KCNH8: variants seen among roughly 807,000 people sequenced by gnomAD.
KCNH8 encodes voltage-gated delayed rectifier potassium channel KCNH8.
A neutral mutation model predicts 103.6 loss-of-function variants in KCNH8; 70 were observed. The observed-to-expected ratio is 0.68, with a 90% CI of 0.56 to 0.82. The LOEUF (loss-of-function observed/expected upper bound fraction) is 0.82, where lower values mean the gene tolerates loss of function less well. Among genes scored for constraint, KCNH8 ranks in the 40% least tolerant of loss-of-function variants. The pLI is 0.00. For missense variants in KCNH8, 1,217 were observed against 1,329.9 expected (o/e 0.92, Z 1.32); for synonymous variants, 498 against 489.4 (o/e 1.02, Z -0.23).
chr3:19,457,087 AAT>A, intron 11 of KCNH8, 105 bp downstream of exon 11: 1 of 684,128 alleles, frequency 1.5e-6, no homozygotes, highest in Non-Finnish European at 2.4e-6. Flanking sequence ...AAAGTCTCTG[AAT>A]ATCTAAGACG....
intron 5 of KCNH8, among the ~76,000 whole-genome samples, chr3:19,365,595 A>G (rs915234902): frequency 7.2e-5 from 11 of 152,186 alleles, no homozygotes; most frequent in African/African-American, 2.4e-4. Flanking sequence ...ATATTTATTT[A>G]CTAACTAAGC....
intron 9 of KCNH8, 56 bp from the exon 10 acceptor site, chr3:19,451,099 A>G: frequency 6.3e-7 from 1 of 1,576,426 alleles, no homozygotes; most frequent in Non-Finnish European, 8.7e-7. Context: ...TTGCAAAGTA[A>G]ATCAGTTAGA....
intron 5 of KCNH8, among the ~76,000 whole-genome samples, chr3:19,361,113 C>T (rs1322692149): frequency 6.6e-6 from 1 of 151,994 alleles, no homozygotes; most frequent in Non-Finnish European, 1.5e-5. Context: ...CTAACAATTC[C>T]TGTGCTCAGA....
At chr3:19,209,102 A>G (rs1336341525) in intron 1 of KCNH8, among the ~76,000 whole-genome samples, 1 of 151,994 alleles carries the variant, frequency 6.6e-6, no homozygotes, top group Non-Finnish European at 1.5e-5. Flanking sequence ...TAATATTCAC[A>G]AATATATGTG....
At chr3:19,399,589 T>G (rs1426226046) in intron 7 of KCNH8, among the ~76,000 whole-genome samples, 1 of 151,942 alleles carries the variant, frequency 6.6e-6, no homozygotes. Flanking sequence ...ATTTGTTGTC[T>G]ATGAGTGTGG....
At chr3:19,200,255 T>G (rs1377685127) in intron 1 of KCNH8, among the ~76,000 whole-genome samples, 1 of 151,996 alleles carries the variant, frequency 6.6e-6, no homozygotes, top group East Asian at 1.9e-4. Flanking sequence ...TCTTGAGAAG[T>G]TGCTAAATGT....
At chr3:19,328,079 G>C (rs1448163657) in intron 3 of KCNH8, among the ~76,000 whole-genome samples, 3 of 151,714 alleles carry the variant, frequency 2.0e-5, no homozygotes, top group Admixed American at 2.0e-4. Flanking sequence ...AAACATTTTT[G>C]AAAATTTCTA....
chr3:19,413,194 GAA>G (rs796510772), intron 7 of KCNH8, among the ~76,000 whole-genome samples: 10 of 127,032 alleles, frequency 7.9e-5, no homozygotes, highest in South Asian at 2.6e-4. Context: ...TAGCCAAAAA[GAA>G]AAAAAAAAAA....
intron 11 of KCNH8, among the ~76,000 whole-genome samples, chr3:19,470,064 A>AT (rs1370573231): frequency 6.6e-6 from 1 of 150,700 alleles, no homozygotes; most frequent in African/African-American, 2.5e-5. Flanking sequence ...AATTATATTT[A>AT]ATTTTTTTTT....
chr3:19,354,734 G>C (rs1009372858), intron 5 of KCNH8, among the ~76,000 whole-genome samples: 1 of 152,116 alleles, frequency 6.6e-6, no homozygotes, highest in African/African-American at 2.4e-5. Flanking sequence ...ATTAATTCAA[G>C]ATGGATTAAA....
At chr3:19,331,923 A>G (rs1414057956) in intron 3 of KCNH8, among the ~76,000 whole-genome samples, 2 of 152,186 alleles carry the variant, frequency 1.3e-5, no homozygotes, top group Non-Finnish European at 2.9e-5. Context: ...TGAAATACCC[A>G]GTCTCTGAAC....
intron 3 of KCNH8, among the ~76,000 whole-genome samples, chr3:19,286,025 G>C (rs1004855783): frequency 4.6e-5 from 7 of 152,182 alleles, no homozygotes; most frequent in African/African-American, 1.4e-4. Flanking sequence ...TTAATTTTAG[G>C]TGATGAAACA....
intron 7 of KCNH8, among the ~76,000 whole-genome samples, chr3:19,435,237 G>T (rs1307835169): frequency 1.3e-5 from 2 of 152,028 alleles, no homozygotes; most frequent in Non-Finnish European, 2.9e-5. Flanking sequence ...AAGACCACTG[G>T]AGGAAAAAAA....
intron 7 of KCNH8, among the ~76,000 whole-genome samples, chr3:19,416,997 C>T (rs1051736003): frequency 1.3e-5 from 2 of 151,880 alleles, no homozygotes; most frequent in African/African-American, 4.8e-5. Context: ...GCCTTGCAAC[C>T]GCATGAAACT....
At chr3:19,341,326 A>C (rs1222149178) in intron 3 of KCNH8, among the ~76,000 whole-genome samples, 3 of 152,118 alleles carry the variant, frequency 2.0e-5, no homozygotes, top group Admixed American at 1.3e-4. Context: ...TCTATCTATC[A>C]GGAGACTATC....
In KCNH8 at chr3:19,310,084, C is replaced by T. The variant is rs1231490808; in HGVS notation, c.442+28755C>T. ...GCAGGGCTATGCCTTTGCATTCTTG[C>T]TCCTAGCATTGTACCTGAATATAGT... On this transcript the variant is annotated intron_variant, in intron 3 of 15. Transcript: ENST00000328405. Among the ~76,000 whole-genome samples, 3 of 151,926 alleles carry T rather than the reference C, an allele frequency of 2.0e-5. No individual in the cohort carries two copies. The East Asian group carries it at 5.8e-4, about 29-fold the overall frequency.
intron 5 of KCNH8, among the ~76,000 whole-genome samples, chr3:19,367,924 G>A (rs531023999): frequency 5.3e-5 from 8 of 152,096 alleles, no homozygotes; most frequent in African/African-American, 1.4e-4. Flanking sequence ...ACAAGAGAGA[G>A]CATGGGATTA....
At chr3:19,385,428 C>G (rs1000342717) in intron 5 of KCNH8, among the ~76,000 whole-genome samples, 1 of 152,078 alleles carries the variant, frequency 6.6e-6, no homozygotes, top group African/African-American at 2.4e-5. Context: ...CCTACAGATA[C>G]AAAGCAAAAG....
intron 5 of KCNH8, among the ~76,000 whole-genome samples, chr3:19,376,459 A>T (rs1050926771): frequency 6.6e-6 from 1 of 152,042 alleles, no homozygotes; most frequent in South Asian, 2.1e-4. Context: ...GCTTCGGCTC[A>T]TGCACGGTGC....
Sources: gnomAD v4.1 joint callset for allele counts (sites outside exome capture counted in the v4.1 genomes callset) on GRCh38, gnomAD v4.1.1 for gene constraint, MANE v1.5 for transcripts, NCBI Gene and HGNC (gene_info 2026-07-23, HGNC 2026-07-21) for gene names.